The following EIF2B4 variants were observed in gnomAD, a reference collection of about 807,000 sequenced individuals.
EIF2B4 encodes the protein translation initiation factor eIF2B subunit delta.
EIF2B4 carries 34 observed loss-of-function variants against 66.7 expected under a neutral mutation model. That is an observed-to-expected ratio of 0.51 (90% confidence interval 0.39 to 0.68). EIF2B4 has a LOEUF of 0.68. EIF2B4 is among the 30% of genes least tolerant of loss of function. EIF2B4 has a pLI of 0.00. For synonymous variants in EIF2B4, 278 were observed against 253.6 expected (o/e 1.10, Z -0.92); for missense variants, 618 against 657.9 (o/e 0.94, Z 0.66).
Position 27,364,445 on chromosome 2 carries a change from G to C in EIF2B4, c.1527C>G (p.Cys509Trp). Residue 509 changes from cysteine to tryptophan, a missense_variant, in exon 13 of 13, where the codon TGC (cysteine) becomes TGG (tryptophan). By Grantham distance (215) the Cys-to-Trp change is radical (BLOSUM62 -2). Around this residue, in one of 4 missense-constraint regions of EIF2B4, gnomAD observed 13 missense variants for 33.0 expected, o/e 0.39. Coordinates refer to ENST00000347454, the MANE Select transcript of EIF2B4 (RefSeq NM_001034116.2). ...LVITELGMIP[C>W]SSVPVVLRVK... ...CTCGTAGAACAACAGGTACAGAACT[G>C]CAAGGGATCATCCCCAGCTCCGTGA... The C allele has an allele frequency of 6.2e-7, 1 of 1,614,116 alleles. No individual in the cohort carries two copies. The highest frequency in any genetic ancestry group is 8.5e-7 in the Non-Finnish European group (1 of 1,180,030).
At chr2:27,368,485 G>A in intron 5 of EIF2B4, 22 bp from the exon 6 acceptor site, 1 of 1,600,954 alleles carries the variant, frequency 6.2e-7, no homozygotes, top group East Asian at 2.2e-5. Context: ...AAGGGAACAG[G>A]ACCAATGGCC....
intron 7 of EIF2B4, 97 bp from the exon 8 acceptor site, chr2:27,367,919 T>C: frequency 6.8e-7 from 1 of 1,477,512 alleles, no homozygotes; most frequent in Non-Finnish European, 9.4e-7. Context: ...GTTCTGAGGG[T>C]AGGAGTATTC....
chr2:27,368,038 C>T lies in EIF2B4; in HGVS notation c.692G>A (p.Arg231His), dbSNP rs1272467526. ...GATGGGACATACCTGCTGCAAGGCA[C>T]GAAGCAGGGCAATACACCGGGCATT... is the stretch of plus-strand genomic sequence containing the variant. ...GSNARCIALL[R>H]ALQQVIQDYT... Residue 231 changes from arginine (R) to histidine (H), a missense_variant, in exon 7 of 13, where the codon CGT becomes CAT. By Grantham distance (29) the Arg-to-His change is conservative. Transcript: ENST00000347454. 8.8e-6 allele frequency: 14 copies of T among 1,587,808 alleles called. No individual in the cohort carries two copies. The highest frequency in any genetic ancestry group is 1.3e-5 in the African/African-American group (1 of 74,408).
In EIF2B4 at chr2:27,367,572, A is replaced by G; in HGVS notation, c.783-13T>C. ...CTGAGTCAGGAAGCTATAATACAAC[A>G]GCAATACCTTATATCTGCGCAACTC... On this transcript the variant is annotated splice_polypyrimidine_tract_variant and intron_variant, in intron 8 of 12. Coordinates refer to ENST00000347454, the MANE Select transcript of EIF2B4 (RefSeq NM_001034116.2). 6.2e-7 allele frequency: 1 copy of G among 1,613,856 alleles called. No individual in the cohort carries two copies. The highest frequency in any genetic ancestry group is 8.5e-7 in the Non-Finnish European group (1 of 1,179,724).
Position 27,364,910 on chromosome 2 carries a change from G to A in EIF2B4, c.1192-12C>T. On this transcript the variant is annotated splice_polypyrimidine_tract_variant and intron_variant, in intron 11 of 12. Transcript: ENST00000347454. ...AGCACCTTGGAAACCTGTTTCACAG[G>A]AGAAGAGGAAGAAAAAAATGTCATT... 1 of 1,613,520 alleles carries A rather than the reference G, an allele frequency of 6.2e-7. No homozygotes were observed. Among genetic ancestry groups the A allele is most frequent in the Non-Finnish European group, 8.5e-7 (1 of 1,179,768 alleles).
At chr2:27,368,263 G>A in intron 6 of EIF2B4, 109 bp downstream of exon 6, 1 of 1,330,460 alleles carries the variant, frequency 7.5e-7, no homozygotes, top group African/African-American at 1.5e-5. Context: ...TTCTGCCTTG[G>A]GTTCATACTT....
intron 8 of EIF2B4, 27 bp downstream of exon 8, chr2:27,367,719 G>A (rs1681965917): frequency 6.2e-7 from 1 of 1,600,978 alleles, no homozygotes; most frequent in African/African-American, 1.3e-5. Context: ...GGGCGAGCTG[G>A]GAGTGGACTT....
Position 27,368,240 on chromosome 2 carries a change from C to G in EIF2B4, c.591-101G>C, listed in dbSNP as rs1053260361. ...AACTCCCTTCACTAGCAGATTTCCCCACTCCTCTACAGTTCTGCCTTGGGT... is the reference window on the plus strand; with the variant it reads ...AACTCCCTTCACTAGCAGATTTCCCGACTCCTCTACAGTTCTGCCTTGGGT... On this transcript the variant is annotated intron_variant, in intron 6 of 12. Coordinates refer to ENST00000347454, the MANE Select transcript of EIF2B4 (RefSeq NM_001034116.2). 1.3e-5 allele frequency: 17 copies of G among 1,295,158 alleles called. No individual in the cohort carries two copies. The African/African-American group carries it at 2.4e-4, about 18-fold the overall frequency. The allele number at this position is 1,295,158 out of a possible 1,614,324, so 80.2% of individuals were successfully genotyped here.
chr2:27,368,443 A>G lies in EIF2B4; in HGVS notation c.519T>C (p.Tyr173=), dbSNP rs758061891. ...GAGAGAAGAGACTGACTTTGGATCC[A>G]TAATCCTTTCGTGTAGGAACCTTGA... ...ERQQVPTRKD[Y]GSKVSLFSHL... is the part of the protein sequence containing the mutation. Residue 173 remains tyrosine (Y), a synonymous_variant, in exon 6 of 13, where the codon TAT becomes TAC. Coordinates refer to ENST00000347454, the MANE Select transcript of EIF2B4 (RefSeq NM_001034116.2). 3.7e-6 allele frequency: 6 copies of G among 1,614,192 alleles called. No homozygotes were observed.
intron 11 of EIF2B4, among the ~76,000 whole-genome samples, chr2:27,365,339 A>G (rs1483460583): frequency 2.0e-5 from 3 of 151,086 alleles, no homozygotes; most frequent in Non-Finnish European, 4.4e-5. Flanking sequence ...GTGCCAGGAT[A>G]ACAGGCGTGA....
Position 27,370,292 on chromosome 2 carries a change from A to G in EIF2B4, c.23T>C (p.Val8Ala). MAAVAVA[V>A]REDSGSGMKA... The stretch of plus-strand genomic sequence containing the variant: ...CCCGGCTCTTCACTCACCCTCGCGA[A>G]CAGCCACGGCCACAGCAGCCATCGC... The change falls in exon 1 of 13, where the codon GTT becomes GCT. Residue 8 changes from valine to alanine, a missense_variant. Coordinates refer to ENST00000347454, the MANE Select transcript of EIF2B4 (RefSeq NM_001034116.2). 6.5e-7 allele frequency: 1 copy of G among 1,547,462 alleles called. No individual in the cohort carries two copies. The highest frequency in any genetic ancestry group is 8.7e-7 in the Non-Finnish European group (1 of 1,148,876).
In EIF2B4 at chr2:27,367,772, T is replaced by C. The variant is rs780262752; in HGVS notation, c.756A>G (p.Leu252=). The C allele has an allele frequency of 2.5e-6, 4 of 1,614,146 alleles. No individual in the cohort carries two copies. Among genetic ancestry groups the C allele is most frequent in the Non-Finnish European group, 3.4e-6 (4 of 1,180,006 alleles). The part of the protein sequence containing the change: ...TPPNEELSRD[L]VNKLKPYMSF... ...TCATGTAGGGTTTTAGTTTATTCACTAGATCCCTGGAGAGTTCTTCATTAG... is the reference window on the plus strand; with the variant it reads ...TCATGTAGGGTTTTAGTTTATTCACCAGATCCCTGGAGAGTTCTTCATTAG... The change falls in exon 8 of 13, where the codon CTA becomes CTG. Residue 252 remains leucine, a synonymous_variant. Coordinates refer to ENST00000347454, the MANE Select transcript of EIF2B4 (RefSeq NM_001034116.2).
chr2:27,365,286 G>A (rs1003799225), intron 11 of EIF2B4, among the ~76,000 whole-genome samples: 2 of 151,360 alleles, frequency 1.3e-5, no homozygotes, highest in Non-Finnish European at 2.9e-5. Context: ...GGCTGGTCTC[G>A]AACTCCCAAC....
At chr2:27,366,987 C>G in intron 10 of EIF2B4, 51 bp from the exon 11 acceptor site, 2 of 1,614,050 alleles carry the variant, frequency 1.2e-6, no homozygotes, top group Non-Finnish European at 1.7e-6. Context: ...TAACTGATGA[C>G]TAACTTATTC....
Position 27,368,444 on chromosome 2 carries a change from T to C in EIF2B4, c.518A>G (p.Tyr173Cys), listed in dbSNP as rs779502336. 19 of 1,613,764 alleles carry C rather than the reference T, an allele frequency of 1.2e-5. No individual in the cohort carries two copies. The highest frequency in any genetic ancestry group is 2.5e-6 in the Non-Finnish European group (3 of 1,179,776). ...AGAGAAGAGACTGACTTTGGATCCA[T>C]AATCCTTTCGTGTAGGAACCTTGAC... is the stretch of plus-strand genomic sequence containing the variant. Reference protein sequence around the residue: ...ERQQVPTRKDYGSKVSLFSHL... With the variant: ...ERQQVPTRKDCGSKVSLFSHL... Residue 173 changes from tyrosine (Y) to cysteine (C), a missense_variant, in exon 6 of 13, where the codon TAT becomes TGT. Coordinates refer to ENST00000347454, the MANE Select transcript of EIF2B4 (RefSeq NM_001034116.2).
rs770574434 is a variant in EIF2B4, at chr2:27,368,082, C to T, written c.648G>A (p.Gln216=). 3 of 1,601,500 alleles carry T rather than the reference C, an allele frequency of 1.9e-6. No individual in the cohort carries two copies. In the East Asian group the frequency reaches 6.8e-5, roughly 36 times the overall value. Residue 216 remains glutamine (Q), a synonymous_variant, in exon 7 of 13, where the codon CAG becomes CAA. Transcript: ENST00000347454. The part of the protein sequence containing the change: ...AMVRLGLQYS[Q]GLVSGSNARC... Reference sequence around the variant, plus strand: ...GGGCATTGGAGCCACTGACCAGGCCCTGGGAGTACTGCAGGCCGAGTCGCA... The same window carrying T: ...GGGCATTGGAGCCACTGACCAGGCCTTGGGAGTACTGCAGGCCGAGTCGCA...
At chr2:27,366,069 C>A (rs1486590452) in intron 11 of EIF2B4, 1 of 137,592 alleles carries the variant, frequency 7.3e-6, no homozygotes, top group Non-Finnish European at 1.5e-5. Flanking sequence ...TTCAAGCAGT[C>A]CTCTCACCTC....
At chr2:27,365,045 A>C in intron 11 of EIF2B4, 147 bp from the exon 12 acceptor site, 1 of 809,220 alleles carries the variant, frequency 1.2e-6, no homozygotes, top group Non-Finnish European at 2.0e-6. Context: ...ACAGACAACA[A>C]GTAATAAATC....
At chr2:27,365,813 T>C (rs1366142590) in intron 11 of EIF2B4, 1 of 152,210 alleles carries the variant, frequency 6.6e-6, no homozygotes, top group East Asian at 1.9e-4. Context: ...TGTAATGTTT[T>C]TGCAATAGCT....
Sources: allele counts gnomAD v4.1 joint callset (sites outside exome capture counted in the v4.1 genomes callset), GRCh38; gene constraint gnomAD v4.1.1; regional missense constraint gnomAD v4.1.1; transcripts MANE v1.5; gene names NCBI Gene and HGNC (gene_info 2026-07-23, HGNC 2026-07-21).